GMPS: variants seen among roughly 807,000 people sequenced by gnomAD.
The protein encoded by GMPS is GMP synthase [glutamine-hydrolyzing].
GMPS carries 15 observed loss-of-function variants against 77.9 expected under a neutral mutation model. The observed-to-expected ratio is 0.19, with a 90% CI of 0.13 to 0.30. The LOEUF is 0.30. Ranked by LOEUF, GMPS falls within the 10% of genes least tolerant of loss-of-function variation. GMPS has a pLI of 1.00. For missense variants in GMPS, 590 were observed against 838.8 expected (o/e 0.70, Z 3.66); for synonymous variants, 224 against 275.9 (o/e 0.81, Z 1.86).
chr3:155,894,858 C>T (rs1482131868), intron 2 of GMPS, among the ~76,000 whole-genome samples: 1 of 152,160 alleles, frequency 6.6e-6, no homozygotes, highest in Non-Finnish European at 1.5e-5. Flanking sequence ...ACAAATGACT[C>T]TTTTAAACTA....
At chr3:155,910,568 C>CAAA (rs772197752) in intron 5 of GMPS, 124 bp from the exon 6 acceptor site, 296 of 265,952 alleles carry the variant, frequency 1.1e-3, no homozygotes, top group South Asian at 1.5e-3. Flanking sequence ...GACTCTGTCT[C>CAAA]AAAAAAAAAA....
At chr3:155,899,388 A>T (rs1422535268) in intron 3 of GMPS, among the ~76,000 whole-genome samples, 1 of 151,468 alleles carries the variant, frequency 6.6e-6, no homozygotes, top group Non-Finnish European at 1.5e-5. Context: ...AAGTAAGAAT[A>T]AGTAGGGACT....
At chr3:155,905,585 G>GTGTA (rs1262214086) in intron 4 of GMPS, among the ~76,000 whole-genome samples, 1 of 152,186 alleles carries the variant, frequency 6.6e-6, no homozygotes, top group African/African-American at 2.4e-5. Flanking sequence ...AGAATCATTA[G>GTGTA]TGTATACTTA....
chr3:155,910,718 T>C lies in GMPS; in HGVS notation c.553T>C (p.Tyr185His). Residue 185 changes from tyrosine (Y) to histidine (H), a missense_variant, in exon 6 of 16, where the codon TAT (tyrosine) becomes CAT (histidine). Physicochemically the swap from Tyr to His is moderately conservative, Grantham distance 83. Coordinates refer to ENST00000496455, the MANE Select transcript of GMPS (RefSeq NM_003875.3). Reference sequence around the variant, plus strand: ...CATAGCAAATGAATCTAAAAAGTTATATGGAGCACAGTTCCACCCTGAAGT... The same window carrying C: ...CATAGCAAATGAATCTAAAAAGTTACATGGAGCACAGTTCCACCCTGAAGT... ...AGIANESKKL[Y>H]GAQFHPEVGL... is the part of the protein sequence containing the mutation. The C allele has an allele frequency of 1.3e-6, 2 of 1,584,516 alleles. No homozygotes were observed. The highest frequency in any genetic ancestry group is 1.7e-6 in the Non-Finnish European group (2 of 1,169,110).
intron 10 of GMPS, among the ~76,000 whole-genome samples, chr3:155,919,596 A>T (rs1022695069): frequency 6.6e-6 from 1 of 152,356 alleles, no homozygotes; most frequent in Middle Eastern, 3.4e-3. Context: ...TGTTGCCATC[A>T]GATGAGAAAA....
At chr3:155,879,032 G>C (rs529535983) in intron 1 of GMPS, among the ~76,000 whole-genome samples, 115 of 152,208 alleles carry the variant, frequency 7.6e-4, no homozygotes, top group African/African-American at 2.7e-3. Context: ...ACTTTCCCCT[G>C]CCTTGACTTT....
chr3:155,870,809 G>A lies in GMPS; in HGVS notation c.-62G>A, dbSNP rs1006016690. 4.0e-5 allele frequency: 48 copies of A among 1,192,490 alleles called. No individual in the cohort carries two copies. The highest frequency in any genetic ancestry group is 5.4e-5 in the Non-Finnish European group (46 of 849,028). The allele number at this position is 1,192,490 out of a possible 1,614,324, so 73.9% of individuals were successfully genotyped here. On this transcript the variant is annotated 5_prime_UTR_variant, in exon 1 of 16. Coordinates refer to ENST00000496455, the MANE Select transcript of GMPS (RefSeq NM_003875.3). The stretch of plus-strand genomic sequence containing the variant: ...CTCAGCCCGCGGCGCCGACCCTTCC[G>A]GCACCCTCCCGCCCCGTCTCGTACT...
In GMPS at chr3:155,888,524, G is replaced by C. The variant is rs190811868; in HGVS notation, c.28-4994G>C. Among the ~76,000 whole-genome samples, 3 of 151,634 alleles carry C rather than the reference G, an allele frequency of 2.0e-5. No homozygotes were observed. The East Asian group carries it at 5.8e-4, about 29-fold the overall frequency. The stretch of plus-strand genomic sequence containing the variant: ...GACTCACTGTGGCCTCAACCTCCTG[G>C]GCTCCTCTCACCTCTGCCTCCCGAG... On this transcript the variant is annotated intron_variant, in intron 1 of 15. Coordinates refer to ENST00000496455, the MANE Select transcript of GMPS (RefSeq NM_003875.3).
At chr3:155,880,964 C>T (rs1195396718) in intron 1 of GMPS, among the ~76,000 whole-genome samples, 2 of 151,636 alleles carry the variant, frequency 1.3e-5, no homozygotes, top group Non-Finnish European at 2.9e-5. Context: ...TAATGTTTAT[C>T]ATAAAGACAA....
At position 155,943,185 on chromosome 3, in the gene GMPS, T is replaced by G. The variant is rs200895525; in HGVS notation, c.*5493T>G. 2 of 178,080 alleles carry G rather than the reference T, an allele frequency of 1.1e-5. No individual in the cohort carries two copies. Among genetic ancestry groups the G allele is most frequent in the East Asian group, 1.9e-4 (2 of 10,574 alleles). 11.0% of individuals were successfully genotyped at this position (178,080 alleles called of 1,614,324 possible). ...GATGGAGGTTGCAGTGAGCAGAGATTGCGCCACTGCACTCCAGCCTAGGTG... is the reference window on the plus strand; with the variant it reads ...GATGGAGGTTGCAGTGAGCAGAGATGGCGCCACTGCACTCCAGCCTAGGTG... On this transcript the variant is annotated 3_prime_UTR_variant, in exon 16 of 16. Transcript: ENST00000496455.
At chr3:155,917,982 G>T (rs1422359610) in intron 9 of GMPS, among the ~76,000 whole-genome samples, 9 of 152,188 alleles carry the variant, frequency 5.9e-5, no homozygotes, top group Admixed American at 5.9e-4. Flanking sequence ...CCAGAATTGG[G>T]ATTGCTGGAT....
At chr3:155,923,996 T>C (rs920388183) in intron 11 of GMPS, among the ~76,000 whole-genome samples, 1 of 152,196 alleles carries the variant, frequency 6.6e-6, no homozygotes, top group African/African-American at 2.4e-5. Flanking sequence ...TTCTCCTGCC[T>C]CAGCCTCCCG....
chr3:155,908,014 T>C (rs955541378), intron 5 of GMPS, among the ~76,000 whole-genome samples: 1 of 151,826 alleles, frequency 6.6e-6, no homozygotes, highest in African/African-American at 2.4e-5. Flanking sequence ...TGCAATACTT[T>C]GGCTTTACTC....
intron 13 of GMPS, 85 bp downstream of exon 13, chr3:155,931,965 G>T (rs755390102): frequency 1.5e-6 from 1 of 677,970 alleles, no homozygotes; most frequent in Non-Finnish European, 2.7e-6. Context: ...AAGACCAAAA[G>T]GCTCAAATGT....
At chr3:155,879,818 C>T (rs1754167608) in intron 1 of GMPS, among the ~76,000 whole-genome samples, 1 of 150,090 alleles carries the variant, frequency 6.7e-6, no homozygotes, top group Admixed American at 6.7e-5. Context: ...GCAACCTCCA[C>T]CTCCTGGGTT....
intron 12 of GMPS, among the ~76,000 whole-genome samples, chr3:155,925,812 G>C (rs779445194): frequency 5.9e-5 from 9 of 152,050 alleles, no homozygotes; most frequent in Non-Finnish European, 1.3e-4. Flanking sequence ...GTCTTTAACT[G>C]CAGGAAGGCC....
chr3:155,936,546 G>T (rs982627603), intron 15 of GMPS, 36 bp downstream of exon 15: 1 of 1,181,798 alleles, frequency 8.5e-7, no homozygotes, highest in Non-Finnish European at 1.3e-6. Flanking sequence ...CACGTTCTCA[G>T]TACCTCTTAC....
intron 1 of GMPS, among the ~76,000 whole-genome samples, chr3:155,885,954 G>A (rs1201908905): frequency 6.6e-6 from 1 of 152,082 alleles, no homozygotes; most frequent in Non-Finnish European, 1.5e-5. Flanking sequence ...CGGTGTAGCT[G>A]GGATTACAGA....
In GMPS at chr3:155,936,642, T is replaced by A. The variant is rs181226841; in HGVS notation, c.1980+132T>A. Reference sequence around the variant, plus strand: ...CTGTTCATAAGATAGGCTTTTTTTTTTAAATTTTCACATATTTGATTAATA... The same window carrying A: ...CTGTTCATAAGATAGGCTTTTTTTTATAAATTTTCACATATTTGATTAATA... On this transcript the variant is annotated intron_variant, in intron 15 of 15. Coordinates refer to ENST00000496455, the MANE Select transcript of GMPS (RefSeq NM_003875.3). 916 of 579,818 alleles carry A rather than the reference T, an allele frequency of 1.6e-3. 2 individuals are homozygous for A. Among genetic ancestry groups the A allele is most frequent in the African/African-American group, 8.2e-3 (437 of 53,226 alleles). The allele number at this position is 579,818 out of a possible 1,614,324, so 35.9% of individuals were successfully genotyped here.
Sources: gnomAD v4.1 joint callset for allele counts (sites outside exome capture counted in the v4.1 genomes callset) on GRCh38, gnomAD v4.1.1 for gene constraint, MANE v1.5 for transcripts, NCBI Gene and HGNC (gene_info 2026-07-23, HGNC 2026-07-21) for gene names.